USP25: variants seen among roughly 807,000 people sequenced by gnomAD.
USP25 encodes ubiquitin carboxyl-terminal hydrolase 25.
Under a neutral mutation model 158.5 loss-of-function variants are expected in USP25, and 85 were observed. The observed-to-expected ratio is 0.54, with a 90% CI of 0.45 to 0.64. USP25 has a LOEUF of 0.64. USP25 is among the 30% of genes least tolerant of loss of function. The pLI, the probability that USP25 is intolerant of heterozygous loss-of-function variation, is 0.00. For synonymous variants in USP25, 464 were observed against 460.4 expected (o/e 1.01, Z -0.10); for missense variants, 1,242 against 1,327.3 (o/e 0.94, Z 1.00).
At position 15,843,608 on chromosome 21, in the gene USP25, G is replaced by T. The variant is rs1476046445; in HGVS notation, c.2337+1068G>T. 6.6e-6 allele frequency among the ~76,000 whole-genome samples: 1 copy of T among 152,040 alleles called. No individual in the cohort carries two copies. Among genetic ancestry groups the T allele is most frequent in the Non-Finnish European group, 1.5e-5 (1 of 67,994 alleles). ...TAGATATTTGATGATTCCAAATTTT[G>T]CAAATGCCTTAGAAGCTTTAAATGA... On this transcript the variant is annotated intron_variant, in intron 18 of 25. Coordinates refer to ENST00000400183, the MANE Select transcript of USP25 (RefSeq NM_001283041.3). This position sits in a 1 kb window ranked among gnomAD's most constrained non-coding sequence, Gnocchi z 4.0.
intron 1 of USP25, among the ~76,000 whole-genome samples, chr21:15,755,322 T>G (rs1382613430): frequency 6.6e-6 from 1 of 152,226 alleles, no homozygotes; most frequent in Non-Finnish European, 1.5e-5. Context: ...AGCCAAGGAC[T>G]GACTTAATGA....
chr21:15,851,601 GTTATA>G (rs1347859482), intron 20 of USP25, among the ~76,000 whole-genome samples: 5 of 151,904 alleles, frequency 3.3e-5, no homozygotes, highest in Admixed American at 6.6e-5. Context: ...ATGTGATTGA[GTTATA>G]TTATAAATAT....
chr21:15,876,104 G>A (rs138017405), intron 24 of USP25: 86 of 152,238 alleles, frequency 5.6e-4, no homozygotes, highest in African/African-American at 2.0e-3. Flanking sequence ...CTAGTTTTTC[G>A]TTTAATATTA....
At position 15,766,564 on chromosome 21, in the gene USP25, CAAAT is replaced by C. The variant is rs2034049795; in HGVS notation, c.268+427_268+430del. Among the ~76,000 whole-genome samples the C allele has an allele frequency of 6.6e-6, 1 of 151,744 alleles. No individual in the cohort carries two copies. The highest frequency in any genetic ancestry group is 6.6e-5 in the Admixed American group (1 of 15,192). Reference sequence around the variant, plus strand: ...TTTCCCTTCCCTTTCCCCCTGCTTCCAAATAAAGCTTTGGCAAAGAAGTTTATTA... The same window carrying C: ...TTTCCCTTCCCTTTCCCCCTGCTTCCAAAGCTTTGGCAAAGAAGTTTATTA... On this transcript the variant is annotated intron_variant, in intron 3 of 25. Transcript: ENST00000400183. This position sits in a 1 kb window ranked among gnomAD's most constrained non-coding sequence, Gnocchi z 4.0.
At chr21:15,827,806 CAAGTT>C (rs1568859177) in intron 14 of USP25, among the ~76,000 whole-genome samples, 2 of 130,130 alleles carry the variant, frequency 1.5e-5, no homozygotes, top group African/African-American at 5.5e-5. Flanking sequence ...GTGTGTGTGT[CAAGTT>C]GCCATCTGTC....
intron 21 of USP25, 88 bp from the exon 22 acceptor site, chr21:15,866,178 T>G (rs922674264): frequency 2.6e-6 from 2 of 768,790 alleles, no homozygotes; most frequent in Admixed American, 8.3e-5. Context: ...GCTCAGTGTT[T>G]ATGGATTTTG....
At position 15,874,344 on chromosome 21, in the gene USP25, T is replaced by C; in HGVS notation, c.2886-59T>C. 3 of 1,419,686 alleles carry C rather than the reference T, an allele frequency of 2.1e-6. 1 individual carries two copies. The South Asian group carries it at 3.8e-5, about 18-fold the overall frequency. The allele number at this position is 1,419,686 out of a possible 1,614,324, so 87.9% of individuals were successfully genotyped here. On this transcript the variant is annotated intron_variant, in intron 23 of 25. Coordinates refer to ENST00000400183, the MANE Select transcript of USP25 (RefSeq NM_001283041.3). ...ACTTAAAATGTTTCATAATTATAGC[T>C]GACTTTGTTTCTACAAAGGTGAAAT...
intron 3 of USP25, among the ~76,000 whole-genome samples, chr21:15,771,545 G>A (rs1568783018): frequency 6.6e-6 from 1 of 152,264 alleles, no homozygotes; most frequent in East Asian, 1.9e-4. Flanking sequence ...ACACAGCCTT[G>A]TTGAAGCTGA....
chr21:15,817,894 A>G (rs1391260936), intron 9 of USP25, among the ~76,000 whole-genome samples: 1 of 152,126 alleles, frequency 6.6e-6, no homozygotes, highest in Non-Finnish European at 1.5e-5. Context: ...CGTATCAGTG[A>G]CTTTGCATTA....
At chr21:15,764,522 G>A (rs2033922000) in intron 2 of USP25, among the ~76,000 whole-genome samples, 1 of 152,010 alleles carries the variant, frequency 6.6e-6, no homozygotes, top group African/African-American at 2.4e-5. Flanking sequence ...TTTGAGCACT[G>A]TAATGTCATT....
intron 1 of USP25, among the ~76,000 whole-genome samples, chr21:15,732,783 C>G (rs1433010496): frequency 6.6e-6 from 1 of 152,072 alleles, no homozygotes; most frequent in Non-Finnish European, 1.5e-5. Flanking sequence ...CTACACAAAA[C>G]TTTCATGATT....
At chr21:15,773,252 C>G (rs961592643) in intron 3 of USP25, 1 of 152,248 alleles carries the variant, frequency 6.6e-6, no homozygotes, top group Non-Finnish European at 1.5e-5. Context: ...GTTCTAGCCA[C>G]AAGCAGCTTT....
chr21:15,797,580 A>G (rs969066624), intron 5 of USP25, among the ~76,000 whole-genome samples: 2 of 151,330 alleles, frequency 1.3e-5, no homozygotes, highest in Non-Finnish European at 3.0e-5. Flanking sequence ...CAGCACACCC[A>G]CACCAAAGGA....
intron 22 of USP25, among the ~76,000 whole-genome samples, chr21:15,868,958 A>G (rs2039770145): frequency 6.6e-6 from 1 of 152,210 alleles, no homozygotes; most frequent in South Asian, 2.1e-4. Flanking sequence ...GAAAATTAAA[A>G]TTAAGACTGG....
chr21:15,792,320 T>G (rs2035632494), intron 5 of USP25, among the ~76,000 whole-genome samples: 1 of 151,682 alleles, frequency 6.6e-6, no homozygotes, highest in South Asian at 2.1e-4. Context: ...TTAACAACTG[T>G]TATCAAAATT....
In USP25 at chr21:15,766,263, G is replaced by A; in HGVS notation, c.268+122G>A. On this transcript the variant is annotated intron_variant, in intron 3 of 25. Transcript: ENST00000400183. The surrounding 1 kb of genome is among the most constrained non-coding windows in gnomAD (Gnocchi z 4.0). ...CCAAAAAAGAACTCTATTAACCTTG[G>A]TTCTTTTTAATGTAGTTGAAAGGAA... The A allele has an allele frequency of 3.5e-6, 3 of 849,386 alleles. No individual in the cohort carries two copies. The highest frequency in any genetic ancestry group is 4.9e-6 in the Non-Finnish European group (3 of 612,608). The allele number at this position is 849,386 out of a possible 1,614,324, so 52.6% of individuals were successfully genotyped here.
intron 1 of USP25, among the ~76,000 whole-genome samples, chr21:15,732,623 A>C (rs1007141876): frequency 6.6e-6 from 1 of 152,198 alleles, no homozygotes; most frequent in Non-Finnish European, 1.5e-5. Flanking sequence ...TTCTCACCTT[A>C]AAAAACTGTG....
chr21:15,811,192 G>T lies in USP25; in HGVS notation c.913G>T (p.Ala305Ser), dbSNP rs1275850605. 6.2e-7 allele frequency: 1 copy of T among 1,612,906 alleles called. No individual in the cohort carries two copies. Residue 305 changes from alanine to serine, a missense_variant, in exon 9 of 26, where the codon GCT becomes TCT. Ala to Ser is a moderately conservative substitution (Grantham distance 99). Coordinates refer to ENST00000400183, the MANE Select transcript of USP25 (RefSeq NM_001283041.3). ...AGAGTTGTTCTATGGCAGATTCCTG[G>T]CTGTGGGAGTACTTGAAGGTAGAGT... ...MVELFYGRFLAVGVLEGKKFE... is the reference protein window; with the variant it reads ...MVELFYGRFLSVGVLEGKKFE...
Position 15,866,057 on chromosome 21 carries a change from A to T in USP25, c.2727-209A>T, listed in dbSNP as rs569797631. 2.0e-5 allele frequency among the ~76,000 whole-genome samples: 3 copies of T among 152,218 alleles called. No homozygotes were observed. The East Asian group carries it at 5.8e-4, about 29-fold the overall frequency. ...TATCAATACAACACAGTAAATTTGA[A>T]TTAGAATTATTGCTCCTGTCTTCTT... On this transcript the variant is annotated intron_variant, in intron 21 of 25. Coordinates refer to ENST00000400183, the MANE Select transcript of USP25 (RefSeq NM_001283041.3).
Sources: gnomAD v4.1 joint callset for allele counts (sites outside exome capture counted in the v4.1 genomes callset) on GRCh38, gnomAD v4.1.1 for gene constraint, Gnocchi (gnomAD v3.1) non-coding constraint, MANE v1.5 for transcripts, NCBI Gene and HGNC (gene_info 2026-07-23, HGNC 2026-07-21) for gene names.